The following IKBIP variants were observed in gnomAD, a reference collection of about 807,000 sequenced individuals.
IKBIP encodes the protein IKBKB interacting protein.
A neutral mutation model predicts 31.0 loss-of-function variants in IKBIP; 28 were observed. That is an observed-to-expected ratio of 0.90 (90% CI 0.67 to 1.24). IKBIP has a LOEUF of 1.24. Among genes scored for constraint, IKBIP ranks in the 50% most tolerant of loss-of-function variants. IKBIP has a pLI of 0.00. For synonymous variants in IKBIP, 164 were observed against 160.3 expected, an observed-to-expected ratio of 1.02 and a Z score of -0.17; for missense variants, 453 against 441.9, an observed-to-expected ratio of 1.03 and a Z score of -0.23.
At position 98,634,333 on chromosome 12, in the gene IKBIP, T is replaced by C; in HGVS notation, c.260A>G (p.Gln87Arg). The change falls in exon 2 of 3, where the codon CAA becomes CGA. Residue 87 changes from glutamine to arginine, a missense_variant. By Grantham distance (43) the Gln-to-Arg change is conservative (BLOSUM62 1). Coordinates refer to ENST00000299157, the MANE Select transcript of IKBIP (RefSeq NM_153687.4). The stretch of plus-strand genomic sequence containing the variant: ...TAAACTGATTTTACTTTGAAGTTGT[T>C]GGAATTCATTGGTTTCTAGTTTCAG... ...QLLKLETNEF[Q>R]QLQSKISLIS... The C allele has an allele frequency of 6.3e-7, 1 of 1,597,488 alleles. No homozygotes were observed. The highest frequency in any genetic ancestry group is 8.6e-7 in the Non-Finnish European group (1 of 1,165,814).
rs376060492 is a variant in IKBIP, at chr12:98,626,516, T to A, written c.548A>T (p.Gln183Leu). 2 of 1,612,746 alleles carry A rather than the reference T, an allele frequency of 1.2e-6. No homozygotes were observed. Among genetic ancestry groups the A allele is most frequent in the African/African-American group, 2.7e-5 (2 of 74,922 alleles). ...AGCTGAGTTAATTTGGACAGTTACTTGAGAATGTATATGTTTTGCTTCTGA... is the reference window on the plus strand; with the variant it reads ...AGCTGAGTTAATTTGGACAGTTACTAGAGAATGTATATGTTTTGCTTCTGA... ...FKSEAKHIHSQVTVQINSAEQ... is the reference protein window; with the variant it reads ...FKSEAKHIHSLVTVQINSAEQ... Residue 183 changes from glutamine to leucine, a missense_variant, in exon 3 of 3, where the codon CAA (glutamine) becomes CTA (leucine). Physicochemically the swap from Gln to Leu is moderately radical, Grantham distance 113. Transcript: ENST00000299157.
chr12:98,618,293 G>GT (rs2097607402), intron 2 of IKBIP, among the ~76,000 whole-genome samples: 2 of 152,160 alleles, frequency 1.3e-5, no homozygotes, highest in South Asian at 4.1e-4. Flanking sequence ...AAATAATTGT[G>GT]TATTTCTTCA....
chr12:98,639,424 C>T (rs543156059), intron 1 of IKBIP, among the ~76,000 whole-genome samples: 3 of 152,146 alleles, frequency 2.0e-5, no homozygotes, highest in South Asian at 2.1e-4. Context: ...AAATAACTCT[C>T]GTTTTTGGGC....
In IKBIP at chr12:98,631,090, G is replaced by GC. The variant is rs559690925; in HGVS notation, c.297+3205dup. ...TGGGATTACAGGCATGCACCATCAT[G>GC]CCCAGGTAATTTTTTGTACTTTTAG... On this transcript the variant is annotated intron_variant, in intron 2 of 2. Transcript: ENST00000299157. Among the ~76,000 whole-genome samples, 50 of 151,762 alleles carry GC rather than the reference G, an allele frequency of 3.3e-4. 1 individual carries two copies. In the East Asian group the frequency reaches 9.6e-3, roughly 29 times the overall value.
intron 1 of IKBIP, among the ~76,000 whole-genome samples, chr12:98,635,657 T>G (rs887592253): frequency 6.6e-6 from 1 of 152,224 alleles, no homozygotes; most frequent in Non-Finnish European, 1.5e-5. Flanking sequence ...GTTTTTATGC[T>G]GAAATGTAGG....
intron 2 of IKBIP, among the ~76,000 whole-genome samples, chr12:98,618,551 G>A (rs531484239): frequency 3.9e-5 from 6 of 151,968 alleles, no homozygotes; most frequent in Non-Finnish European, 8.8e-5. Context: ...GCGTGAACCC[G>A]GGAGGCGGAG....
At chr12:98,641,266 T>TA (rs1161768885) in intron 1 of IKBIP, among the ~76,000 whole-genome samples, 1 of 152,166 alleles carries the variant, frequency 6.6e-6, no homozygotes, top group Non-Finnish European at 1.5e-5. Flanking sequence ...AAGCAGTATT[T>TA]AAGAGTACAC....
chr12:98,621,046 G>A (rs750568388), downstream of IKBIP, among the ~76,000 whole-genome samples: 2 of 152,034 alleles, frequency 1.3e-5, no homozygotes, highest in African/African-American at 2.4e-5. Flanking sequence ...TCAGGAGTTC[G>A]AGACCAGCCT....
chr12:98,628,959 A>G (rs1239399919), intron 2 of IKBIP, among the ~76,000 whole-genome samples: 1 of 152,214 alleles, frequency 6.6e-6, no homozygotes, highest in Non-Finnish European at 1.5e-5. Context: ...CTTTGAGGAG[A>G]GATAAAAAGT....
chr12:98,625,727 T>C lies in IKBIP; in HGVS notation c.*203A>G, dbSNP rs555400474. ...GTAGAGAAATATTTTTAAAGAACTA[T>C]TTCTATTTCAAATAGTTACAATGAA... On this transcript the variant is annotated 3_prime_UTR_variant, in exon 3 of 3. Transcript: ENST00000299157. The C allele has an allele frequency of 2.9e-4, 92 of 317,762 alleles. 1 individual carries two copies. The South Asian group carries it at 0.013, about 44-fold the overall frequency. The allele number at this position is 317,762 out of a possible 1,614,324, so 19.7% of individuals were successfully genotyped here.
chr12:98,630,242 G>T (rs568914664), intron 2 of IKBIP, among the ~76,000 whole-genome samples: 1 of 151,554 alleles, frequency 6.6e-6, no homozygotes. Flanking sequence ...AAAATTAGCC[G>T]GGTATGTTGG....
intron 2 of IKBIP, among the ~76,000 whole-genome samples, chr12:98,628,543 G>A (rs187752477): frequency 6.6e-6 from 1 of 152,338 alleles, no homozygotes; most frequent in East Asian, 1.9e-4. Context: ...CCTCAGAGCA[G>A]CATTTCTTCC....
intron 2 of IKBIP, among the ~76,000 whole-genome samples, 181 bp from the exon 3 acceptor site, chr12:98,626,947 T>C (rs903898206): frequency 6.6e-6 from 1 of 152,188 alleles, no homozygotes; most frequent in African/African-American, 2.4e-5. Context: ...TTTTCACAAA[T>C]ACGTTAACCC....
At chr12:98,613,894 T>C (rs1045448387) in exon 3 of IKBIP, 1 of 1,613,734 alleles carries the variant, frequency 6.2e-7, no homozygotes, top group Non-Finnish European at 8.5e-7. Context: ...CACTCTTTAG[T>C]TCGGTTAGCG....
At chr12:98,618,494 T>C (rs529389278) in intron 2 of IKBIP, among the ~76,000 whole-genome samples, 59 of 151,886 alleles carry the variant, frequency 3.9e-4, no homozygotes, top group South Asian at 1.7e-3. Flanking sequence ...GGCGTAGTGG[T>C]GGGCGCCTGT....
intron 2 of IKBIP, among the ~76,000 whole-genome samples, chr12:98,629,817 T>C (rs2097618256): frequency 6.6e-6 from 1 of 152,226 alleles, no homozygotes; most frequent in South Asian, 2.1e-4. Context: ...GAAAGCAGTA[T>C]ACCCCAAGTA....
Position 98,644,641 on chromosome 12 carries a change from C to T in IKBIP, c.61G>A (p.Gly21Arg). 6.2e-7 allele frequency: 1 copy of T among 1,610,918 alleles called. No individual in the cohort carries two copies. Among genetic ancestry groups the T allele is most frequent in the Non-Finnish European group, 8.5e-7 (1 of 1,179,222 alleles). Residue 21 changes from glycine (G) to arginine (R), a missense_variant, in exon 1 of 3, where the codon GGG becomes AGG. Physicochemically the swap from Gly to Arg is moderately radical, Grantham distance 125 (BLOSUM62 -2). Transcript: ENST00000299157. ...GTCTTCCCGCCCTCGCTCCGCTTCC[C>T]GGGCTCCGCAGCAGGGGCTCCCTTG... ...GPKGAPAAEP[G>R]KRSEGGKTPV... is the part of the protein sequence containing the mutation.
At chr12:98,638,124 T>C (rs1346188259) in intron 1 of IKBIP, among the ~76,000 whole-genome samples, 1 of 152,128 alleles carries the variant, frequency 6.6e-6, no homozygotes, top group Non-Finnish European at 1.5e-5. Flanking sequence ...TCTAGGATCT[T>C]GGCCTTTTGT....
At chr12:98,641,021 A>G (rs2097629912) in intron 1 of IKBIP, among the ~76,000 whole-genome samples, 2 of 152,208 alleles carry the variant, frequency 1.3e-5, no homozygotes, top group Non-Finnish European at 2.9e-5. Context: ...TCGGCCTCCC[A>G]AAGTGCTGGG....
Sources: allele counts gnomAD v4.1 joint callset (sites outside exome capture counted in the v4.1 genomes callset), GRCh38; gene constraint gnomAD v4.1.1; transcripts MANE v1.5; gene names NCBI Gene and HGNC (gene_info 2026-07-23, HGNC 2026-07-21).